Variants in LRP1B observed in about 807,000 individuals in gnomAD.
LRP1B encodes low-density lipoprotein receptor-related protein 1B.
A neutral mutation model predicts 556.6 loss-of-function variants in LRP1B; 217 were observed. The ratio of observed to expected loss-of-function variants is 0.39; its 90% CI spans 0.35 to 0.44. The LOEUF (loss-of-function observed/expected upper bound fraction) is 0.44. LRP1B is among the 20% of genes least tolerant of loss of function. LRP1B has a pLI of 1.00. For synonymous variants in LRP1B, 2,047 were observed against 1,865.8 expected (o/e 1.10, Z -2.50); for missense variants, 5,053 against 5,620.8 (o/e 0.90, Z 3.23).
chr2:141,088,950 AAAAC>A (rs748035029), intron 7 of LRP1B, among the ~76,000 whole-genome samples: 2 of 152,214 alleles, frequency 1.3e-5, no homozygotes, highest in South Asian at 2.1e-4. Context: ...TAAAAAAATA[AAAAC>A]AAACAAAAAG....
rs143753486 is a variant in LRP1B at position 140,814,272 on chromosome 2, C to T, written c.5210-466G>A. On this transcript the variant is annotated intron_variant, in intron 31 of 90. Coordinates refer to ENST00000389484, the MANE Select transcript of LRP1B (RefSeq NM_018557.3). ...AGATAACAGGCATGAGCCATGGCAC[C>T]CAGCCAACATAAACAGTTTCAACCG... Among the ~76,000 whole-genome samples the T allele has an allele frequency of 7.8e-4, 119 of 152,230 alleles. No homozygotes were observed. The South Asian group carries it at 8.5e-3, about 11-fold the overall frequency.
intron 11 of LRP1B, among the ~76,000 whole-genome samples, chr2:141,023,358 C>T (rs1698121623): frequency 6.6e-6 from 1 of 151,544 alleles, no homozygotes. Flanking sequence ...AATATTACTT[C>T]CTATAAGAGA....
At chr2:141,493,215 A>G (rs1014277881) in intron 2 of LRP1B, among the ~76,000 whole-genome samples, 32 of 152,298 alleles carry the variant, frequency 2.1e-4, no homozygotes, top group African/African-American at 7.7e-4. Flanking sequence ...TCTGTCTTCA[A>G]AACCTGGTTT....
chr2:141,431,852 A>C (rs1041024846), intron 3 of LRP1B, among the ~76,000 whole-genome samples: 5 of 152,292 alleles, frequency 3.3e-5, no homozygotes, highest in African/African-American at 1.2e-4. Flanking sequence ...CTGTAAGTTC[A>C]AGTAGTTTGT....
At chr2:141,778,952 A>G (rs1251973268) in intron 2 of LRP1B, among the ~76,000 whole-genome samples, 1 of 152,170 alleles carries the variant, frequency 6.6e-6, no homozygotes, top group Non-Finnish European at 1.5e-5. Context: ...ACAGGTAGGG[A>G]AAAAGATTTC....
chr2:141,554,349 G>A (rs34898402), intron 2 of LRP1B, among the ~76,000 whole-genome samples: 52,450 of 146,374 alleles, frequency 0.36, 10,233 homozygotes, highest in Non-Finnish European at 0.44. Context: ...GTATCTATAG[G>A]AATAGACATA....
intron 6 of LRP1B, among the ~76,000 whole-genome samples, chr2:141,194,710 T>A (rs908618444): frequency 6.6e-6 from 1 of 152,090 alleles, no homozygotes; most frequent in Non-Finnish European, 1.5e-5. Context: ...TAATTAAACA[T>A]GTTTTTGAAA....
chr2:141,354,306 T>C (rs1688546309), intron 3 of LRP1B, among the ~76,000 whole-genome samples: 1 of 151,972 alleles, frequency 6.6e-6, no homozygotes, highest in South Asian at 2.1e-4. Flanking sequence ...AGAACCAAGA[T>C]GTAGTTATCT....
At chr2:141,192,182 G>A (rs1681544782) in intron 6 of LRP1B, among the ~76,000 whole-genome samples, 1 of 151,788 alleles carries the variant, frequency 6.6e-6, no homozygotes, top group Non-Finnish European at 1.5e-5. Flanking sequence ...AAGAGTTGAG[G>A]CAATTAGACA....
intron 3 of LRP1B, among the ~76,000 whole-genome samples, chr2:141,437,478 A>C (rs6739621): frequency 0.48 from 72,866 of 151,678 alleles, 17,724 homozygotes; most frequent in East Asian, 0.69. Context: ...ATGTAAAGAA[A>C]CTCAACTATT....
chr2:140,475,439 G>A, intron 59 of LRP1B, 102 bp from the exon 60 acceptor site: 1 of 812,952 alleles, frequency 1.2e-6, no homozygotes, highest in Non-Finnish European at 1.8e-6. Context: ...CATTAATCTT[G>A]CCATTTTTCT....
At chr2:141,400,100 C>T (rs1471829069) in intron 3 of LRP1B, among the ~76,000 whole-genome samples, 1 of 152,024 alleles carries the variant, frequency 6.6e-6, no homozygotes, top group African/African-American at 2.4e-5. Flanking sequence ...ATTCTCCCAC[C>T]TCAGGCTCCC....
intron 66 of LRP1B, among the ~76,000 whole-genome samples, chr2:140,431,093 C>T (rs1007410147): frequency 3.9e-5 from 6 of 152,104 alleles, no homozygotes; most frequent in Admixed American, 1.3e-4. Context: ...CTATACAGTC[C>T]GATAGCAGAC....
intron 66 of LRP1B, among the ~76,000 whole-genome samples, chr2:140,423,761 A>C (rs1439046060): frequency 6.6e-6 from 1 of 152,132 alleles, no homozygotes; most frequent in Non-Finnish European, 1.5e-5. Context: ...TATTCCTAGT[A>C]TGTACCTACA....
chr2:141,243,380 G>A (rs1236695248), intron 5 of LRP1B, among the ~76,000 whole-genome samples: 1 of 151,996 alleles, frequency 6.6e-6, no homozygotes, highest in Non-Finnish European at 1.5e-5. Flanking sequence ...ATACTCAAAG[G>A]CTGAGGTAGA....
At chr2:140,684,970 C>T (rs1157770036) in intron 41 of LRP1B, among the ~76,000 whole-genome samples, 2 of 152,116 alleles carry the variant, frequency 1.3e-5, no homozygotes, top group African/African-American at 4.8e-5. Context: ...GCTACTCATA[C>T]ATGCATATTC....
chr2:141,121,695 A>G (rs1401284819), intron 7 of LRP1B, among the ~76,000 whole-genome samples: 1 of 152,172 alleles, frequency 6.6e-6, no homozygotes. Flanking sequence ...TATAGATTCA[A>G]TGCCATCCCC....
intron 3 of LRP1B, among the ~76,000 whole-genome samples, chr2:141,335,743 G>A (rs2714197): frequency 0.58 from 88,135 of 151,926 alleles, 26,499 homozygotes; most frequent in African/African-American, 0.68. Context: ...AACATGAACA[G>A]TGTGGAATTT....
chr2:140,296,925 A>G (rs1342560225), intron 84 of LRP1B, among the ~76,000 whole-genome samples: 1 of 152,216 alleles, frequency 6.6e-6, no homozygotes, highest in Non-Finnish European at 1.5e-5. Flanking sequence ...CTGTTAAAAA[A>G]GAGGAGAGAG....
Sources: gnomAD v4.1 joint callset for allele counts (sites outside exome capture counted in the v4.1 genomes callset) on GRCh38, gnomAD v4.1.1 for gene constraint, MANE v1.5 for transcripts, NCBI Gene and HGNC (gene_info 2026-07-23, HGNC 2026-07-21) for gene names.